AGMO: variants seen among roughly 807,000 people sequenced by gnomAD.
The protein encoded by AGMO is alkylglycerol monooxygenase, also known as glyceryl-ether monooxygenase.
AGMO carries 75 observed loss-of-function variants against 60.2 expected under a neutral mutation model. The ratio of observed to expected loss-of-function variants is 1.25; its 90% CI spans 1.03 to 1.51. The LOEUF (loss-of-function observed/expected upper bound fraction) is 1.51. Ranked by LOEUF, AGMO falls within the 40% of genes most tolerant of loss-of-function variation. The pLI is 0.00. For synonymous variants in AGMO, 261 were observed against 177.1 expected (o/e 1.47, Z -3.76); for missense variants, 763 against 525.5 (o/e 1.45, Z -4.42).
In AGMO at chr7:15,531,548, CTA is replaced by C. The variant is rs1310459794; in HGVS notation, c.409+13222_409+13223del. 4.2e-4 allele frequency among the ~76,000 whole-genome samples: 28 copies of C among 67,052 alleles called. 1 individual carries two copies. The highest frequency in any genetic ancestry group is 1.9e-3 in the South Asian group (4 of 2,054). 44.0% of individuals were successfully genotyped at this position (67,052 alleles called of 152,430 possible). A position where few individuals can be genotyped will look rare whatever the true frequency, so the allele number is the denominator to read the frequency against. ...TCTATATATATTCTCTATATATATT[CTA>C]TATATATATTCTCTATATATTCCAT... On this transcript the variant is annotated intron_variant, in intron 3 of 12. Coordinates refer to ENST00000342526, the MANE Select transcript of AGMO (RefSeq NM_001004320.2).
chr7:15,185,801 A>T, the AGMO span, among the ~76,000 whole-genome samples: 4 of 152,180 alleles, frequency 2.6e-5, no homozygotes, highest in Admixed American at 6.5e-5. Context: ...AGGTTAATGG[A>T]TTTTCAGTAC....
intron 5 of AGMO, among the ~76,000 whole-genome samples, chr7:15,409,484 A>G (rs2128491988): frequency 6.6e-6 from 1 of 152,012 alleles, no homozygotes; most frequent in South Asian, 2.1e-4. Flanking sequence ...TTAGCCTTAA[A>G]AGGAATGGGG....
At chr7:15,306,734 A>T (rs1221956335) in intron 12 of AGMO, among the ~76,000 whole-genome samples, 1 of 152,038 alleles carries the variant, frequency 6.6e-6, no homozygotes, top group African/African-American at 2.4e-5. Flanking sequence ...AGATTGTACT[A>T]GTTCTTATAG....
chr7:15,353,764 A>C (rs1161476887), intron 12 of AGMO, among the ~76,000 whole-genome samples: 1 of 152,200 alleles, frequency 6.6e-6, no homozygotes, highest in African/African-American at 2.4e-5. Context: ...ACAAAGTATT[A>C]TTTGCAAAAG....
intron 12 of AGMO, among the ~76,000 whole-genome samples, chr7:15,222,523 G>A (rs1781952726): frequency 2.0e-5 from 3 of 151,872 alleles, no homozygotes; most frequent in Admixed American, 2.0e-4. Context: ...TTGCTTTTTG[G>A]CTAGTCATTA....
chr7:15,231,941 G>T (rs1179979176), intron 12 of AGMO, among the ~76,000 whole-genome samples: 2 of 152,138 alleles, frequency 1.3e-5, no homozygotes, highest in East Asian at 3.8e-4. Context: ...TTAGAAAAAT[G>T]CCAAAGGTGG....
At chr7:15,556,879 G>T (rs545857403) in intron 2 of AGMO, among the ~76,000 whole-genome samples, 58 of 152,126 alleles carry the variant, frequency 3.8e-4, no homozygotes, top group South Asian at 3.5e-3. Flanking sequence ...ATCTGACTAG[G>T]AAGTCTGCCT....
chr7:15,333,091 C>T (rs1781546427), intron 12 of AGMO, among the ~76,000 whole-genome samples: 1 of 152,028 alleles, frequency 6.6e-6, no homozygotes, highest in Admixed American at 6.6e-5. Flanking sequence ...ATCATAATAT[C>T]CTGCGCTAAT....
At chr7:15,184,283 A>G in the AGMO span, among the ~76,000 whole-genome samples, 4 of 101,844 alleles carry the variant, frequency 3.9e-5, 1 homozygote, top group African/African-American at 9.6e-5. Flanking sequence ...AAAGAAAAGG[A>G]AGGAAGGAAG....
At chr7:15,264,714 A>C (rs942225378) in intron 12 of AGMO, among the ~76,000 whole-genome samples, 1 of 152,164 alleles carries the variant, frequency 6.6e-6, no homozygotes, top group Non-Finnish European at 1.5e-5. Context: ...AGAAATGCAA[A>C]TCAAAGCCAC....
chr7:15,325,534 C>T (rs934023902), intron 12 of AGMO, among the ~76,000 whole-genome samples: 6 of 152,092 alleles, frequency 3.9e-5, no homozygotes, highest in Non-Finnish European at 8.8e-5. Context: ...TAAAACATTA[C>T]ACACCTATAC....
intron 3 of AGMO, among the ~76,000 whole-genome samples, chr7:15,453,737 C>T (rs759520763): frequency 4.5e-4 from 69 of 152,164 alleles, no homozygotes; most frequent in Non-Finnish European, 7.9e-4. Context: ...CAGGTCAGCA[C>T]AGGATATTTG....
Position 15,524,626 on chromosome 7 carries a change from G to A in AGMO, c.409+20146C>T, listed in dbSNP as rs184315259. On this transcript the variant is annotated intron_variant, in intron 3 of 12. Coordinates refer to ENST00000342526, the MANE Select transcript of AGMO (RefSeq NM_001004320.2). ...GCCTGTAATCCTAGCACTTTGGGAG[G>A]CCAAGGTGGGCAGATCACCTAAGGT... Among the ~76,000 whole-genome samples, 7 of 152,170 alleles carry A rather than the reference G, an allele frequency of 4.6e-5. No homozygotes were observed. The East Asian group carries it at 1.2e-3, about 25-fold the overall frequency.
chr7:15,264,752 A>T (rs1563060444), intron 12 of AGMO, among the ~76,000 whole-genome samples: 1 of 152,108 alleles, frequency 6.6e-6, no homozygotes, highest in Admixed American at 6.6e-5. Flanking sequence ...TACCATTCAG[A>T]ATGGTGGTAA....
Position 15,541,267 on chromosome 7 carries a change from C to T in AGMO, c.409+3505G>A, listed in dbSNP as rs1055471369. Among the ~76,000 whole-genome samples, 6 of 152,022 alleles carry T rather than the reference C, an allele frequency of 3.9e-5. No homozygotes were observed. In the East Asian group the frequency reaches 5.8e-4, roughly 15 times the overall value. On this transcript the variant is annotated intron_variant, in intron 3 of 12. Transcript: ENST00000342526. Reference sequence around the variant, plus strand: ...CCTCCTGAGTAGCTGGGATTACAGGCGTGGGCCACCACACCTGCTAATTTT... The same window carrying T: ...CCTCCTGAGTAGCTGGGATTACAGGTGTGGGCCACCACACCTGCTAATTTT...
intron 12 of AGMO, among the ~76,000 whole-genome samples, chr7:15,274,899 C>A (rs1783735556): frequency 6.6e-6 from 1 of 151,516 alleles, no homozygotes; most frequent in African/African-American, 2.4e-5. Context: ...GTTGTAATGT[C>A]ACCTTTATAA....
intron 3 of AGMO, among the ~76,000 whole-genome samples, chr7:15,448,866 C>A (rs1202173652): frequency 6.6e-6 from 1 of 151,756 alleles, no homozygotes; most frequent in Non-Finnish European, 1.5e-5. Flanking sequence ...GGGCAGGTAC[C>A]TGAGATTATT....
chr7:15,134,088 C>T, the AGMO span, among the ~76,000 whole-genome samples: 1 of 152,086 alleles, frequency 6.6e-6, no homozygotes. Flanking sequence ...CATGGGTAGA[C>T]TGCATGTCAC....
At chr7:15,216,116 G>A (rs564797198) in intron 12 of AGMO, among the ~76,000 whole-genome samples, 2 of 152,120 alleles carry the variant, frequency 1.3e-5, no homozygotes, top group East Asian at 1.9e-4. Context: ...TGGAAAAAAT[G>A]TTCCTGGGTT....
Sources: gnomAD v4.1 joint callset for allele counts (sites outside exome capture counted in the v4.1 genomes callset) on GRCh38, gnomAD v4.1.1 for gene constraint, MANE v1.5 for transcripts, NCBI Gene and HGNC (gene_info 2026-07-23, HGNC 2026-07-21) for gene names.